The following ABCA12 variants were observed in gnomAD, a reference collection of about 807,000 sequenced individuals.
ABCA12 encodes the protein glucosylceramide transporter ABCA12.
ABCA12 carries 156 observed loss-of-function variants against 293.5 expected under a neutral mutation model. The ratio of observed to expected loss-of-function variants is 0.53; its 90% confidence interval spans 0.47 to 0.61. ABCA12 has a LOEUF of 0.61. Among genes scored for constraint, ABCA12 ranks in the 20% least tolerant of loss-of-function variants. ABCA12 has a pLI of 0.00. For missense variants in ABCA12, 2,797 were observed against 3,090.2 expected (o/e 0.91, Z 2.25); for synonymous variants, 1,063 against 1,108.0 (o/e 0.96, Z 0.81).
chr2:215,136,037 C>T (rs1312483855), intron 1 of ABCA12, among the ~76,000 whole-genome samples: 1 of 152,122 alleles, frequency 6.6e-6, no homozygotes, highest in African/African-American at 2.4e-5. Flanking sequence ...TTCAGGTTGG[C>T]CTCTGTATTG....
intron 2 of ABCA12, among the ~76,000 whole-genome samples, chr2:215,071,040 C>A (rs1056674721): frequency 1.3e-5 from 2 of 151,138 alleles, no homozygotes; most frequent in African/African-American, 4.9e-5. Flanking sequence ...CTCAAGAAAA[C>A]CCACAAACTA....
rs774279263 is a variant in ABCA12, at chr2:214,982,222, C to T, written c.4544G>A (p.Arg1515Gln). 9 of 1,613,784 alleles carry T rather than the reference C, an allele frequency of 5.6e-6. No individual in the cohort carries two copies. Among genetic ancestry groups the T allele is most frequent in the Admixed American group, 1.7e-5 (1 of 59,978 alleles). ...CTTGGATATAACATCCCATATACTTCGGCGAGAACATGGGTCAACTCCAGT... is the reference window on the plus strand; with the variant it reads ...CTTGGATATAACATCCCATATACTTTGGCGAGAACATGGGTCAACTCCAGT... ...PSTGVDPCSR[R>Q]SIWDVISKNK... The change falls in exon 30 of 53, where the codon CGA (arginine) becomes CAA (glutamine). Residue 1515 changes from arginine to glutamine, a missense_variant. Around this residue, in one of 3 missense-constraint regions of ABCA12, gnomAD observed 2,130 missense variants for 2,427.0 expected, o/e 0.88. Transcript: ENST00000272895.
chr2:215,099,277 C>T (rs1306925451), intron 2 of ABCA12, among the ~76,000 whole-genome samples: 2 of 152,234 alleles, frequency 1.3e-5, no homozygotes, highest in Non-Finnish European at 2.9e-5. Flanking sequence ...TGTGAGCTAT[C>T]CACCTTGGAA....
At chr2:214,932,984 T>C (rs1574915894) in intron 52 of ABCA12, among the ~76,000 whole-genome samples, 1 of 152,160 alleles carries the variant, frequency 6.6e-6, no homozygotes, top group African/African-American at 2.4e-5. Context: ...TTTATGACTA[T>C]GATTTTATTT....
At chr2:215,117,562 A>G (rs1702712146) in intron 1 of ABCA12, among the ~76,000 whole-genome samples, 1 of 152,182 alleles carries the variant, frequency 6.6e-6, no homozygotes, top group African/African-American at 2.4e-5. Context: ...CAAAAACCCG[A>G]TGTTCTAAAA....
intron 2 of ABCA12, among the ~76,000 whole-genome samples, chr2:215,077,700 A>G (rs1429406837): frequency 6.6e-6 from 1 of 152,154 alleles, no homozygotes; most frequent in Non-Finnish European, 1.5e-5. Context: ...TGTGCCATTT[A>G]TTTGTATTGC....
At chr2:215,113,345 C>T (rs1451532499) in intron 1 of ABCA12, among the ~76,000 whole-genome samples, 1 of 152,200 alleles carries the variant, frequency 6.6e-6, no homozygotes, top group Admixed American at 6.5e-5. Context: ...TCCTGAGGCA[C>T]TCGGTTTGAA....
At chr2:215,081,752 C>T (rs1701946414) in intron 2 of ABCA12, among the ~76,000 whole-genome samples, 2 of 151,956 alleles carry the variant, frequency 1.3e-5, no homozygotes, top group South Asian at 2.1e-4. Context: ...ACACACAATA[C>T]ATATGTTTTA....
rs200702289 is a variant in ABCA12 at position 215,134,644 on chromosome 2, A to G, written c.69+3496T>C. Among the ~76,000 whole-genome samples, 197 of 102,058 alleles carry G rather than the reference A, an allele frequency of 1.9e-3. 14 individuals carry two copies. The highest frequency in any genetic ancestry group is 0.011 in the African/African-American group (186 of 17,392). 67.0% of individuals were successfully genotyped at this position (102,058 alleles called of 152,430 possible). On this transcript the variant is annotated intron_variant, in intron 1 of 52. Transcript: ENST00000272895. ...AGAGAGAGAGAGAGAGAGAGAGACA[A>G]ACAGAGAGAGAGAGAGAGAGAGAGA...
chr2:215,028,333 A>G (rs769376626), intron 9 of ABCA12, among the ~76,000 whole-genome samples: 4 of 152,266 alleles, frequency 2.6e-5, no homozygotes, highest in Admixed American at 6.5e-5. Context: ...ATACATGGCA[A>G]GAAAAGTCTC....
chr2:215,000,218 A>G (rs920782113), intron 22 of ABCA12, among the ~76,000 whole-genome samples: 2 of 152,344 alleles, frequency 1.3e-5, no homozygotes, highest in South Asian at 4.1e-4. Flanking sequence ...AGGTAGCACA[A>G]TATTTATCTG....
At chr2:215,039,756 C>CAAAA (rs1281194128) in intron 7 of ABCA12, among the ~76,000 whole-genome samples, 15 of 139,848 alleles carry the variant, frequency 1.1e-4, no homozygotes, top group Non-Finnish European at 2.0e-4. Flanking sequence ...CTCCTTCTCA[C>CAAAA]AAAAAATAAA....
At chr2:215,112,425 C>A (rs1702592166) in intron 1 of ABCA12, among the ~76,000 whole-genome samples, 1 of 150,112 alleles carries the variant, frequency 6.7e-6, no homozygotes, top group African/African-American at 2.5e-5. Flanking sequence ...ATTTCCACCA[C>A]TCGATGAAAA....
In ABCA12 at chr2:214,978,907, G is replaced by A; in HGVS notation, c.4874C>T (p.Thr1625Ile). The change falls in exon 32 of 53, where the codon ACC (threonine) becomes ATC (isoleucine). Residue 1625 changes from threonine to isoleucine, a missense_variant. Around this residue, in one of 3 missense-constraint regions of ABCA12, gnomAD observed 2,130 missense variants for 2,427.0 expected, o/e 0.88. Coordinates refer to ENST00000272895, the MANE Select transcript of ABCA12 (RefSeq NM_173076.3). ...TGACAGGTAGGCCCCTGAGACTTTG[G>A]TGCTGAATGGAGGAAGTACATAAAC... Reference protein sequence around the residue: ...ELVYVLPPFSTKVSGAYLSLL... With the variant: ...ELVYVLPPFSIKVSGAYLSLL... 6.2e-7 allele frequency: 1 copy of A among 1,614,080 alleles called. No individual in the cohort carries two copies.
At chr2:215,060,999 C>T (rs1423964990) in intron 3 of ABCA12, among the ~76,000 whole-genome samples, 1 of 152,008 alleles carries the variant, frequency 6.6e-6, no homozygotes, top group Non-Finnish European at 1.5e-5. Context: ...CAAATAATGA[C>T]CCTGTATGCT....
chr2:215,045,778 T>A (rs1701189433), intron 7 of ABCA12, 59 bp downstream of exon 7: 1 of 1,503,056 alleles, frequency 6.7e-7, no homozygotes, highest in African/African-American at 1.4e-5. Context: ...ACAGGTAACA[T>A]TTTTTTAAAC....
At chr2:215,086,395 A>C (rs1702038024) in intron 2 of ABCA12, among the ~76,000 whole-genome samples, 1 of 152,234 alleles carries the variant, frequency 6.6e-6, no homozygotes, top group Non-Finnish European at 1.5e-5. Flanking sequence ...AGCCCTTTGC[A>C]TGGAAATGCT....
intron 2 of ABCA12, among the ~76,000 whole-genome samples, chr2:215,110,463 C>T (rs1702549445): frequency 6.6e-6 from 1 of 152,190 alleles, no homozygotes; most frequent in Non-Finnish European, 1.5e-5. Flanking sequence ...TGCAGTGAGC[C>T]GAAATCGCGC....
chr2:214,951,187 T>C, intron 44 of ABCA12, 104 bp from the exon 45 acceptor site: 1 of 979,494 alleles, frequency 1.0e-6, no homozygotes, highest in Non-Finnish European at 1.6e-6. Context: ...GTACTAGTCA[T>C]CATTAGACTT....
Sources: allele counts gnomAD v4.1 joint callset (sites outside exome capture counted in the v4.1 genomes callset), GRCh38; gene constraint gnomAD v4.1.1; regional missense constraint gnomAD v4.1.1; transcripts MANE v1.5; gene names NCBI Gene and HGNC (gene_info 2026-07-23, HGNC 2026-07-21).